NUDT3: variants seen among roughly 807,000 people sequenced by gnomAD.
NUDT3 encodes nudix hydrolase 3.
Under a neutral mutation model 23.6 loss-of-function variants are expected in NUDT3, and 9 were observed. The observed-to-expected ratio is 0.38, with a 90% confidence interval of 0.23 to 0.66. NUDT3 has a LOEUF of 0.66. Among genes scored for constraint, NUDT3 ranks in the 30% least tolerant of loss-of-function variants. NUDT3 has a pLI of 0.52. For synonymous variants in NUDT3, 86 were observed against 82.6 expected (o/e 1.04, Z -0.22); for missense variants, 172 against 218.5 (o/e 0.79, Z 1.34).
chr6:34,352,942 AG>A (rs1764499698), intron 1 of NUDT3, among the ~76,000 whole-genome samples: 1 of 152,194 alleles, frequency 6.6e-6, no homozygotes, highest in East Asian at 1.9e-4. Context: ...AAACTGATAG[AG>A]GTATATGTGT....
intron 1 of NUDT3, among the ~76,000 whole-genome samples, chr6:34,387,344 T>C (rs1200893552): frequency 6.6e-6 from 1 of 152,074 alleles, no homozygotes; most frequent in East Asian, 1.9e-4. Flanking sequence ...CCCAGTGGGA[T>C]AAGATGTGGA....
intron 1 of NUDT3, among the ~76,000 whole-genome samples, chr6:34,363,527 G>A (rs929350053): frequency 6.6e-6 from 1 of 152,228 alleles, no homozygotes; most frequent in Non-Finnish European, 1.5e-5. Flanking sequence ...AGCAAACTCA[G>A]CAGTTGTGAG....
At chr6:34,310,132 C>G (rs1305162969) in intron 2 of NUDT3, among the ~76,000 whole-genome samples, 1 of 152,114 alleles carries the variant, frequency 6.6e-6, no homozygotes, top group Non-Finnish European at 1.5e-5. Context: ...ACTCAGGAGG[C>G]TGAGGCTGGA....
chr6:34,358,700 C>A (rs1214011153), intron 1 of NUDT3, among the ~76,000 whole-genome samples: 1 of 152,136 alleles, frequency 6.6e-6, no homozygotes, highest in African/African-American at 2.4e-5. Flanking sequence ...AAACCCACGC[C>A]TCACAGGGGG....
chr6:34,323,493 G>A lies in NUDT3; in HGVS notation c.210+18369C>T, dbSNP rs567380788. Among the ~76,000 whole-genome samples the A allele has an allele frequency of 7.9e-5, 12 of 152,192 alleles. No individual in the cohort carries two copies. In the East Asian group the frequency reaches 2.3e-3, roughly 29 times the overall value. ...AACGTGGGAGGACTGCTTGAGCCTG[G>A]GCGGTAGACGTGACAGTAAGCAGAG... On this transcript the variant is annotated intron_variant, in intron 2 of 4. Coordinates refer to ENST00000607016, the MANE Select transcript of NUDT3 (RefSeq NM_006703.4).
intron 2 of NUDT3, among the ~76,000 whole-genome samples, chr6:34,307,255 A>G (rs1288003010): frequency 6.6e-6 from 1 of 152,082 alleles, no homozygotes; most frequent in African/African-American, 2.4e-5. Context: ...AAATAATAAC[A>G]ATAATAAAAA....
chr6:34,350,750 CTAGACA>C (rs1240127191), intron 1 of NUDT3, among the ~76,000 whole-genome samples: 1 of 150,576 alleles, frequency 6.6e-6, no homozygotes, highest in Non-Finnish European at 1.5e-5. Context: ...GGAGGAACCC[CTAGACA>C]TAAACAGTCA....
chr6:34,388,725 C>T (rs1765149213), intron 1 of NUDT3, among the ~76,000 whole-genome samples: 1 of 152,186 alleles, frequency 6.6e-6, no homozygotes, highest in East Asian at 1.9e-4. Context: ...CATGACACAG[C>T]GCTGCAGCCA....
rs1173804822 is a variant in NUDT3, at chr6:34,288,822, G to A, written c.450C>T (p.Asn150=). 6.2e-7 allele frequency: 1 copy of A among 1,614,104 alleles called. No individual in the cohort carries two copies. The highest frequency in any genetic ancestry group is 2.2e-5 in the East Asian group (1 of 44,878). The change falls in exon 5 of 5, where the codon AAC becomes AAT. Residue 150 remains asparagine (N), a synonymous_variant. Transcript: ENST00000607016. Reference sequence around the variant, plus strand: ...TGGTGGCCACGACTGGGGTGCCATTGTTGGCTGAGTAGCCTTGCCTCAATG... The same window carrying A: ...TGGTGGCCACGACTGGGGTGCCATTATTGGCTGAGTAGCCTTGCCTCAATG... ...FETLRQGYSA[N]NGTPVVATTY... is the part of the protein sequence containing the mutation.
intron 1 of NUDT3, among the ~76,000 whole-genome samples, chr6:34,382,894 G>A (rs1290338926): frequency 5.3e-5 from 8 of 151,776 alleles, no homozygotes; most frequent in African/African-American, 1.7e-4. Flanking sequence ...TTGGGAGGCC[G>A]AGGAGGGTGG....
chr6:34,377,837 A>C (rs929431528), intron 1 of NUDT3, among the ~76,000 whole-genome samples: 1 of 151,754 alleles, frequency 6.6e-6, no homozygotes, highest in Non-Finnish European at 1.5e-5. Context: ...CGTCTCAAAA[A>C]AAAAAAAAAA....
Position 34,280,596 on chromosome 6 carries a change from T to C in NUDT3, c.*8157A>G, listed in dbSNP as rs575639010. 1 of 152,380 alleles carries C rather than the reference T, an allele frequency of 6.6e-6. No individual in the cohort carries two copies. Among genetic ancestry groups the C allele is most frequent in the South Asian group, 2.1e-4 (1 of 4,830 alleles). 9.4% of individuals were successfully genotyped at this position (152,380 alleles called of 1,614,324 possible). A position where few individuals can be genotyped will look rare whatever the true frequency, so the allele number is the denominator to read the frequency against. On this transcript the variant is annotated 3_prime_UTR_variant, in exon 5 of 5. Coordinates refer to ENST00000607016, the MANE Select transcript of NUDT3 (RefSeq NM_006703.4). ...CATCCTCTTAAAAAATGACACAGCCTCTTGGTTATTCCATTTTCTATCCCT... is the reference window on the plus strand; with the variant it reads ...CATCCTCTTAAAAAATGACACAGCCCCTTGGTTATTCCATTTTCTATCCCT...
At chr6:34,334,782 A>C (rs1764181828) in intron 2 of NUDT3, among the ~76,000 whole-genome samples, 1 of 152,000 alleles carries the variant, frequency 6.6e-6, no homozygotes, top group African/African-American at 2.4e-5. Flanking sequence ...AATAATAATA[A>C]ATTAGCCAGG....
rs968435435 is a variant in NUDT3 at position 34,285,357 on chromosome 6, A to G, written c.*3396T>C. On this transcript the variant is annotated 3_prime_UTR_variant, in exon 5 of 5. Transcript: ENST00000607016. ...AAGACAGAGAGAAAATCCTGGTCCAAAAGATCACATGACCTTACTAGTGTT... is the reference window on the plus strand; with the variant it reads ...AAGACAGAGAGAAAATCCTGGTCCAGAAGATCACATGACCTTACTAGTGTT... 7.9e-5 allele frequency: 12 copies of G among 152,236 alleles called. No homozygotes were observed. The highest frequency in any genetic ancestry group is 1.6e-4 in the Non-Finnish European group (11 of 68,054). The allele number at this position is 152,236 out of a possible 1,614,324, so 9.4% of individuals were successfully genotyped here. A position where few individuals can be genotyped will look rare whatever the true frequency, so the allele number is the denominator to read the frequency against.
chr6:34,391,904 C>T (rs1186406825), intron 1 of NUDT3, among the ~76,000 whole-genome samples: 1 of 152,154 alleles, frequency 6.6e-6, no homozygotes, highest in Non-Finnish European at 1.5e-5. Flanking sequence ...AACTGCGGAG[C>T]GGCCCTTCCA....
chr6:34,353,627 C>T (rs1400602358), intron 1 of NUDT3, among the ~76,000 whole-genome samples: 1 of 151,988 alleles, frequency 6.6e-6, no homozygotes, highest in Non-Finnish European at 1.5e-5. Context: ...TGGTCTCAAA[C>T]TCCTGACCTC....
chr6:34,388,427 GCCATTAGTGC>G (rs1171670467), intron 1 of NUDT3, among the ~76,000 whole-genome samples: 1 of 151,866 alleles, frequency 6.6e-6, no homozygotes, highest in Non-Finnish European at 1.5e-5. Context: ...CTTGATTAAG[GCCATTAGTGC>G]CCATTAAAAT....
At chr6:34,322,243 T>A (rs1415479243) in intron 2 of NUDT3, among the ~76,000 whole-genome samples, 1 of 151,980 alleles carries the variant, frequency 6.6e-6, no homozygotes, top group East Asian at 1.9e-4. Flanking sequence ...TCTTTTTTTT[T>A]TTTTTGAGAT....
At chr6:34,341,071 C>A (rs958342414) in intron 2 of NUDT3, among the ~76,000 whole-genome samples, 1 of 152,134 alleles carries the variant, frequency 6.6e-6, no homozygotes, top group Non-Finnish European at 1.5e-5. Flanking sequence ...TTCAAAAGCA[C>A]TACCTATGTG....
Sources: gnomAD v4.1 joint callset for allele counts (sites outside exome capture counted in the v4.1 genomes callset) on GRCh38, gnomAD v4.1.1 for gene constraint, MANE v1.5 for transcripts, NCBI Gene and HGNC (gene_info 2026-07-23, HGNC 2026-07-21) for gene names.